The following CDC6 variants were observed in gnomAD, a reference collection of about 807,000 sequenced individuals.
The protein encoded by CDC6 is DNA replication factor CDC6.
A neutral mutation model predicts 60.2 loss-of-function variants in CDC6; 46 were observed. The ratio of observed to expected loss-of-function variants is 0.76; its 90% CI spans 0.60 to 0.98. The LOEUF (loss-of-function observed/expected upper bound fraction) is 0.98. CDC6 is among the 50% of genes least tolerant of loss of function. CDC6 has a pLI of 0.00. For synonymous variants in CDC6, 210 were observed against 233.2 expected, an observed-to-expected ratio of 0.90 and a Z score of 0.90; for missense variants, 596 against 652.9, an observed-to-expected ratio of 0.91 and a Z score of 0.95.
chr17:40,291,455 T>C lies in CDC6; in HGVS notation c.461-14T>C. The stretch of plus-strand genomic sequence containing the variant: ...CTTCTGTTGTGTCTAATTGACCTTT[T>C]ATGTCTGGCACAGGCACTTGCTACC... On this transcript the variant is annotated splice_polypyrimidine_tract_variant and intron_variant, in intron 3 of 11. Coordinates refer to ENST00000209728, the MANE Select transcript of CDC6 (RefSeq NM_001254.4). 6.2e-7 allele frequency: 1 copy of C among 1,614,146 alleles called. No homozygotes were observed. The highest frequency in any genetic ancestry group is 1.1e-5 in the South Asian group (1 of 91,044).
Position 40,301,358 on chromosome 17 carries a change from A to G in CDC6, c.1453-110A>G, listed in dbSNP as rs1186070611. The G allele has an allele frequency of 3.1e-6, 3 of 965,102 alleles. No homozygotes were observed. In the East Asian group the frequency reaches 7.1e-5, roughly 23 times the overall value. 59.8% of individuals were successfully genotyped at this position (965,102 alleles called of 1,614,324 possible). On this transcript the variant is annotated intron_variant, in intron 10 of 11. Transcript: ENST00000209728. ...GATTTTATTGAAAAGAGGAAGAAAT[A>G]GGGTATTCAGATAAGTTTTTGCAAA...
In CDC6 at chr17:40,302,500, G is replaced by A. The variant is rs2032954852; in HGVS notation, c.*499G>A. ...CTCCCGAGTAGCTGGGATTACAGGTGCCCACCACCGCGCCCAGCTAATTTT... is the reference window on the plus strand; with the variant it reads ...CTCCCGAGTAGCTGGGATTACAGGTACCCACCACCGCGCCCAGCTAATTTT... On this transcript the variant is annotated 3_prime_UTR_variant, in exon 12 of 12. Transcript: ENST00000209728. 6.3e-6 allele frequency: 1 copy of A among 157,844 alleles called. No homozygotes were observed. The highest frequency in any genetic ancestry group is 1.4e-5 in the Non-Finnish European group (1 of 71,642). 9.8% of individuals were successfully genotyped at this position (157,844 alleles called of 1,614,324 possible). A position where few individuals can be genotyped will look rare whatever the true frequency, so the allele number is the denominator to read the frequency against.
chr17:40,298,369 G>T, intron 9 of CDC6, among the ~76,000 whole-genome samples: 1 of 151,262 alleles, frequency 6.6e-6, no homozygotes, highest in South Asian at 2.1e-4. Flanking sequence ...TTTGACTTCT[G>T]GTTTGTGCGG....
intron 9 of CDC6, among the ~76,000 whole-genome samples, chr17:40,298,748 TTAAC>T (rs2032895356): frequency 1.3e-5 from 2 of 152,144 alleles, no homozygotes; most frequent in Admixed American, 6.5e-5. Context: ...GAGAATGACT[TTAAC>T]TAAATATAAG....
intron 4 of CDC6, among the ~76,000 whole-genome samples, chr17:40,292,847 C>T (rs974843107): frequency 2.0e-5 from 3 of 151,370 alleles, no homozygotes; most frequent in South Asian, 4.2e-4. Context: ...AGGAGAATGG[C>T]GTGAACCCAC....
chr17:40,293,192 T>C (rs1274471132), intron 4 of CDC6, among the ~76,000 whole-genome samples: 1 of 152,038 alleles, frequency 6.6e-6, no homozygotes, highest in East Asian at 1.9e-4. Context: ...TGAGTTGAGA[T>C]TGTGGCATTG....
rs879746848 is a variant in CDC6 at position 40,303,196 on chromosome 17, T to C, written c.*1195T>C. The C allele has an allele frequency of 1.3e-5, 2 of 152,240 alleles. No homozygotes were observed. The highest frequency in any genetic ancestry group is 2.9e-5 in the Non-Finnish European group (2 of 68,042). 9.4% of individuals were successfully genotyped at this position (152,240 alleles called of 1,614,324 possible). A position where few individuals can be genotyped will look rare whatever the true frequency, so the allele number is the denominator to read the frequency against. ...ACTGAGACACCAGAGGGCACCCTTA[T>C]AACATTGACTACTTTGAAAGGGGAT... is the stretch of plus-strand genomic sequence containing the variant. On this transcript the variant is annotated 3_prime_UTR_variant, in exon 12 of 12. Transcript: ENST00000209728.
intron 1 of CDC6, among the ~76,000 whole-genome samples, chr17:40,288,698 C>T (rs1470276203): frequency 6.6e-6 from 1 of 152,004 alleles, no homozygotes. Flanking sequence ...CATTCTCCTG[C>T]CTCAGCCTCC....
At chr17:40,292,667 C>T (rs1192469847) in intron 4 of CDC6, among the ~76,000 whole-genome samples, 2 of 151,320 alleles carry the variant, frequency 1.3e-5, no homozygotes, top group Non-Finnish European at 2.9e-5. Context: ...TGGTGGCTCA[C>T]GCCTATAATC....
chr17:40,288,367 C>T (rs758343105), intron 1 of CDC6, among the ~76,000 whole-genome samples: 3 of 151,640 alleles, frequency 2.0e-5, no homozygotes, highest in Non-Finnish European at 2.9e-5. Flanking sequence ...ATAAAGACAC[C>T]CCGCGTGCCT....
At chr17:40,293,675 G>C (rs746739597) in intron 5 of CDC6, 44 bp downstream of exon 5, 1 of 1,449,660 alleles carries the variant, frequency 6.9e-7, no homozygotes, top group African/African-American at 1.4e-5. Context: ...AAATCTGCAA[G>C]GTCTGTTGCC....
Position 40,302,100 on chromosome 17 carries a change from T to C in CDC6, c.*99T>C, listed in dbSNP as rs2032949040. 7 of 785,048 alleles carry C rather than the reference T, an allele frequency of 8.9e-6. No homozygotes were observed. The East Asian group carries it at 1.7e-4, about 19-fold the overall frequency. The allele number at this position is 785,048 out of a possible 1,614,324, so 48.6% of individuals were successfully genotyped here. A position where few individuals can be genotyped will look rare whatever the true frequency, so the allele number is the denominator to read the frequency against. ...ACACATTCGGGCCTGAAAACAAATA[T>C]GACCTTTTTTACTTGAAGCCAATGA... On this transcript the variant is annotated 3_prime_UTR_variant, in exon 12 of 12. Transcript: ENST00000209728.
rs761381737 is a variant in CDC6, at chr17:40,289,567, AG to A, written c.148del (p.Ala50ProfsTer53). On this transcript the variant is annotated frameshift_variant, in exon 2 of 12. Transcript: ENST00000209728. LOFTEE classifies it high-confidence loss of function. Reference protein sequence around the residue: ...QTVTCSPRVKALPLSPRKRLG... With the variant: ...QTVTCSPRVKXLPLSPRKRLG... The stretch of plus-strand genomic sequence containing the variant: ...CCGTAACCTGTTCTCCTCGTGTAAA[AG>A]CCCTGCCTCTCAGCCCCAGGAAACG... The A allele has an allele frequency of 6.2e-7, 1 of 1,614,092 alleles. No homozygotes were observed. The highest frequency in any genetic ancestry group is 2.2e-5 in the East Asian group (1 of 44,882).
intron 2 of CDC6, 84 bp downstream of exon 2, chr17:40,289,682 T>C (rs2032720753): frequency 1.9e-6 from 2 of 1,041,684 alleles, no homozygotes. Flanking sequence ...TGAAGGAGCT[T>C]TCTAAGTTCA....
intron 10 of CDC6, 127 bp downstream of exon 10, chr17:40,301,157 A>T: frequency 1.3e-6 from 1 of 771,986 alleles, no homozygotes; most frequent in East Asian, 2.6e-5. Flanking sequence ...AACAGTAAGA[A>T]TTAATACTGG....
rs1221516194 is a variant in CDC6, at chr17:40,289,675, A to C, written c.178+77A>C. 7.5e-6 allele frequency: 8 copies of C among 1,064,028 alleles called. No homozygotes were observed. The Middle Eastern group carries it at 8.7e-4, about 116-fold the overall frequency. The allele number at this position is 1,064,028 out of a possible 1,614,324, so 65.9% of individuals were successfully genotyped here. A position where few individuals can be genotyped will look rare whatever the true frequency, so the allele number is the denominator to read the frequency against. Reference sequence around the variant, plus strand: ...TCTTGGTAAGATGTGTGTCCTTTGAAGGAGCTTTCTAAGTTCAGTTAAGAC... The same window carrying C: ...TCTTGGTAAGATGTGTGTCCTTTGACGGAGCTTTCTAAGTTCAGTTAAGAC... On this transcript the variant is annotated intron_variant, in intron 2 of 11. Coordinates refer to ENST00000209728, the MANE Select transcript of CDC6 (RefSeq NM_001254.4).
chr17:40,301,918 T>C lies in CDC6; in HGVS notation c.1600T>C (p.Phe534Leu). ...NKETRLTKVF[F>L]KIEEKEIEHA... ...CCTTTTCTCTTCTTTCCAGGTGTTT[T>C]TCAAGATTGAAGAGAAAGAAATAGA... The change falls in exon 12 of 12, where the codon TTC becomes CTC. Residue 534 changes from phenylalanine to leucine, a missense_variant. Transcript: ENST00000209728. The C allele has an allele frequency of 6.3e-7, 1 of 1,582,468 alleles. No homozygotes were observed. The highest frequency in any genetic ancestry group is 1.1e-5 in the South Asian group (1 of 90,338).
intron 4 of CDC6, among the ~76,000 whole-genome samples, chr17:40,293,210 G>T (rs2032795193): frequency 6.6e-6 from 1 of 152,012 alleles, no homozygotes; most frequent in Admixed American, 6.6e-5. Context: ...TTGCATTTCA[G>T]CCTGGGCAAC....
intron 8 of CDC6, 104 bp downstream of exon 8, chr17:40,295,560 C>A: frequency 5.0e-6 from 4 of 798,258 alleles, no homozygotes; most frequent in South Asian, 1.4e-5. Context: ...AGGCTCTGTT[C>A]TGCTACTTTT....
Sources: gnomAD v4.1 joint callset for allele counts (sites outside exome capture counted in the v4.1 genomes callset) on GRCh38, gnomAD v4.1.1 for gene constraint, MANE v1.5 for transcripts, NCBI Gene and HGNC (gene_info 2026-07-23, HGNC 2026-07-21) for gene names.